Variants in KIDINS220 observed in about 807,000 individuals in gnomAD.
KIDINS220 encodes kinase D-interacting substrate of 220 kDa.
Under a neutral mutation model 157.6 loss-of-function variants are expected in KIDINS220, and 63 were observed. That is an observed-to-expected ratio of 0.40 (90% CI 0.33 to 0.49). The LOEUF (loss-of-function observed/expected upper bound fraction) is 0.49. KIDINS220 is among the 20% of genes least tolerant of loss of function. KIDINS220 has a pLI of 0.66. For missense variants in KIDINS220, 1,772 were observed against 2,171.2 expected, an observed-to-expected ratio of 0.82 and a Z score of 3.65; for synonymous variants, 732 against 783.6, an observed-to-expected ratio of 0.93 and a Z score of 1.10.
chr2:8,762,153 T>C (rs893185914), intron 22 of KIDINS220, among the ~76,000 whole-genome samples: 2 of 152,322 alleles, frequency 1.3e-5, no homozygotes, highest in Non-Finnish European at 1.5e-5. Context: ...TATTAAAACA[T>C]ATATTTCAAG....
intron 24 of KIDINS220, 109 bp downstream of exon 24, chr2:8,750,003 A>C: frequency 1.2e-6 from 1 of 834,310 alleles, no homozygotes; most frequent in South Asian, 1.9e-5. Flanking sequence ...CATTTTTCCT[A>C]TGCTAAAGCC....
chr2:8,814,494 AG>A (rs76479457), intron 4 of KIDINS220, among the ~76,000 whole-genome samples: 24,130 of 152,104 alleles, frequency 0.16, 2,016 homozygotes, highest in Middle Eastern at 0.26. Flanking sequence ...GACAGATGAT[AG>A]ACAGATAGAG....
rs142473458 is a variant in KIDINS220 at position 8,795,200 on chromosome 2, C to T, written c.1099-1213G>A. On this transcript the variant is annotated intron_variant, in intron 11 of 29. Transcript: ENST00000256707. Reference sequence around the variant, plus strand: ...TTCCATCACCAGCCTTGATTTCTTGCCCAGATTCCAGTACTAGATTTCCCA... The same window carrying T: ...TTCCATCACCAGCCTTGATTTCTTGTCCAGATTCCAGTACTAGATTTCCCA... Among the ~76,000 whole-genome samples the T allele has an allele frequency of 5.3e-3, 802 of 152,308 alleles. 12 individuals carry two copies. Among genetic ancestry groups the T allele is most frequent in the Non-Finnish European group, 9.0e-3 (615 of 68,014 alleles).
intron 24 of KIDINS220, among the ~76,000 whole-genome samples, chr2:8,748,666 T>C (rs1666903040): frequency 1.3e-5 from 2 of 152,200 alleles, no homozygotes; most frequent in South Asian, 2.1e-4. Flanking sequence ...CTGCAGTTCA[T>C]AAGGTTTTGT....
chr2:8,764,527 T>G (rs1305149429), intron 22 of KIDINS220, among the ~76,000 whole-genome samples: 1 of 152,196 alleles, frequency 6.6e-6, no homozygotes, highest in Non-Finnish European at 1.5e-5. Flanking sequence ...TTGCTGTGAT[T>G]TTAGCATCAC....
At chr2:8,748,963 C>A (rs150570696) in intron 24 of KIDINS220, among the ~76,000 whole-genome samples, 1 of 152,036 alleles carries the variant, frequency 6.6e-6, no homozygotes, top group African/African-American at 2.4e-5. Flanking sequence ...TTGGTATCAA[C>A]GGAGCTATTT....
At position 8,733,619 on chromosome 2, in the gene KIDINS220, T is replaced by G. The variant is rs1445157490; in HGVS notation, c.3878A>C (p.Glu1293Ala). 1 of 1,610,832 alleles carries G rather than the reference T, an allele frequency of 6.2e-7. No homozygotes were observed. The highest frequency in any genetic ancestry group is 8.5e-7 in the Non-Finnish European group (1 of 1,177,608). The part of the protein sequence containing the change: ...VVPEDPRFLS[E>A]SSSGPAPHGE... ...GTGCGGGGCTGGGCCACTGCTGCTC[T>G]CACTGAGGAAACGTGGGTCTTCAGG... is the stretch of plus-strand genomic sequence containing the variant. The change falls in exon 29 of 30, where the codon GAG becomes GCG. Residue 1293 changes from glutamate to alanine, a missense_variant. Around this residue, in one of 3 missense-constraint regions of KIDINS220, gnomAD observed 793 missense variants for 885.5 expected, o/e 0.90. Coordinates refer to ENST00000256707, the MANE Select transcript of KIDINS220 (RefSeq NM_020738.4).
intron 26 of KIDINS220, among the ~76,000 whole-genome samples, chr2:8,741,292 G>C (rs146232493): frequency 2.5e-4 from 38 of 152,320 alleles, no homozygotes; most frequent in Middle Eastern, 3.4e-3. Context: ...TACTGGCAGG[G>C]TGTGGTGGCT....
At chr2:8,834,702 C>A (rs1489714778) in intron 1 of KIDINS220, among the ~76,000 whole-genome samples, 1 of 152,150 alleles carries the variant, frequency 6.6e-6, no homozygotes, top group Non-Finnish European at 1.5e-5. Context: ...AATGGACATG[C>A]CCAAGCTGAT....
intron 1 of KIDINS220, among the ~76,000 whole-genome samples, chr2:8,831,721 C>T (rs1679649866): frequency 6.6e-6 from 1 of 152,232 alleles, no homozygotes; most frequent in African/African-American, 2.4e-5. Flanking sequence ...GCCTACACAA[C>T]AGGAGGTGAG....
In KIDINS220 at chr2:8,793,690, C is replaced by T. The variant is rs73151205; in HGVS notation, c.1276+120G>A. On this transcript the variant is annotated intron_variant, in intron 12 of 29. Coordinates refer to ENST00000256707, the MANE Select transcript of KIDINS220 (RefSeq NM_020738.4). ...CTGGGGTCAAGCAATCCTCCCACCTCGGCCTCCTCAAGTGCTGGGATTACA... is the reference window on the plus strand; with the variant it reads ...CTGGGGTCAAGCAATCCTCCCACCTTGGCCTCCTCAAGTGCTGGGATTACA... The T allele has an allele frequency of 0.11, 92,898 of 841,934 alleles. 5,679 individuals are homozygous for T. Among genetic ancestry groups the T allele is most frequent in the South Asian group, 0.19 (9,363 of 48,672 alleles). 52.2% of individuals were successfully genotyped at this position (841,934 alleles called of 1,614,324 possible).
In KIDINS220 at chr2:8,813,274, A is replaced by C; in HGVS notation, c.368T>G (p.Leu123Arg). Reference sequence around the variant, plus strand: ...ACTTGGATTGGCACCATGAGAAAGAAGCAACTCTACTACGTCAGTACGGCC... The same window carrying C: ...ACTTGGATTGGCACCATGAGAAAGACGCAACTCTACTACGTCAGTACGGCC... Reference protein sequence around the residue: ...YKGRTDVVELLLSHGANPSVT... With the variant: ...YKGRTDVVELRLSHGANPSVT... Residue 123 changes from leucine (L) to arginine (R), a missense_variant, in exon 5 of 30, where the codon CTT (leucine) becomes CGT (arginine). By Grantham distance (102) the Leu-to-Arg change is moderately radical (BLOSUM62 -2). Transcript: ENST00000256707. The C allele has an allele frequency of 6.2e-7, 1 of 1,613,450 alleles. No individual in the cohort carries two copies. Among genetic ancestry groups the C allele is most frequent in the Non-Finnish European group, 8.5e-7 (1 of 1,179,764 alleles).
At chr2:8,784,553 T>TA (rs1395774343) in intron 17 of KIDINS220, among the ~76,000 whole-genome samples, 2 of 152,074 alleles carry the variant, frequency 1.3e-5, no homozygotes, top group African/African-American at 4.8e-5. Context: ...AAAGAACTCT[T>TA]AAAACTCAAC....
At chr2:8,814,281 A>T (rs1472751531) in intron 4 of KIDINS220, among the ~76,000 whole-genome samples, 1 of 152,204 alleles carries the variant, frequency 6.6e-6, no homozygotes, top group East Asian at 1.9e-4. Context: ...CTTACTAAGG[A>T]ATTTTTTTTT....
chr2:8,737,209 C>T, intron 26 of KIDINS220: 2 of 427,082 alleles, frequency 4.7e-6, no homozygotes, highest in Non-Finnish European at 4.1e-6. Context: ...CTGATACAGC[C>T]TGGTCAAAAC....
chr2:8,722,378 C>T (rs1188089357), downstream of KIDINS220: 1 of 152,214 alleles, frequency 6.6e-6, no homozygotes, highest in South Asian at 2.1e-4. Context: ...CCACTGGCTG[C>T]TGAGGTGGAA....
At chr2:8,808,639 A>C (rs1030247899) in intron 6 of KIDINS220, among the ~76,000 whole-genome samples, 3 of 152,190 alleles carry the variant, frequency 2.0e-5, no homozygotes, top group Non-Finnish European at 4.4e-5. Context: ...CTCATCTCTC[A>C]AATTCTGGTC....
At chr2:8,775,049 C>T (rs1316481150) in intron 21 of KIDINS220, among the ~76,000 whole-genome samples, 1 of 151,992 alleles carries the variant, frequency 6.6e-6, no homozygotes, top group Non-Finnish European at 1.5e-5. Context: ...GAAAACAGTG[C>T]TACAGAATTT....
chr2:8,776,852 C>T lies in KIDINS220; in HGVS notation c.2744G>A (p.Arg915His), dbSNP rs759435862. Residue 915 changes from arginine (R) to histidine (H), a missense_variant, in exon 21 of 30, where the codon CGC becomes CAC. Transcript: ENST00000256707. The part of the protein sequence containing the change: ...RRRQMQRTIT[R>H]QMSFDLTKLL... ...TTTTGTAAGATCAAAGGACATCTGG[C>T]GAGTGATGGTCCTCTGCATCTGCCT... The T allele has an allele frequency of 5.0e-6, 8 of 1,613,826 alleles. No homozygotes were observed. The highest frequency in any genetic ancestry group is 2.2e-5 in the East Asian group (1 of 44,884).
Sources: gnomAD v4.1 joint callset for allele counts (sites outside exome capture counted in the v4.1 genomes callset) on GRCh38, gnomAD v4.1.1 for gene constraint, gnomAD v4.1.1 regional missense constraint, MANE v1.5 for transcripts, NCBI Gene and HGNC (gene_info 2026-07-23, HGNC 2026-07-21) for gene names.